Variants in TRIM34 observed in about 807,000 individuals in gnomAD.
TRIM34 encodes the protein tripartite motif containing 34.
In TRIM34, 41 loss-of-function variants were observed where a neutral mutation model predicts 38.1. The observed-to-expected ratio is 1.08, with a 90% CI of 0.84 to 1.40. TRIM34 has a LOEUF of 1.40. Among genes scored for constraint, TRIM34 ranks in the 40% most tolerant of loss-of-function variants. The pLI, the probability that TRIM34 is intolerant of heterozygous loss-of-function variation, is 0.00. For synonymous variants in TRIM34, 200 were observed against 202.5 expected (o/e 0.99, Z 0.10); for missense variants, 556 against 571.4 (o/e 0.97, Z 0.27).
chr11:5,641,161 T>G lies in TRIM34; in HGVS notation c.751-6T>G. 8 of 1,613,690 alleles carry G rather than the reference T, an allele frequency of 5.0e-6. No individual in the cohort carries two copies. The highest frequency in any genetic ancestry group is 6.8e-6 in the Non-Finnish European group (8 of 1,179,782). On this transcript the variant is annotated splice_polypyrimidine_tract_variant and splice_region_variant and intron_variant, in intron 4 of 7. Transcript: ENST00000429814. ...CTTTGACTCATGTTTTCTCTTTTCT[T>G]TCTAGGACATGAGTGGAATCATGAA...
chr11:5,639,793 G>A (rs1849923657), intron 4 of TRIM34, among the ~76,000 whole-genome samples: 1 of 150,048 alleles, frequency 6.7e-6, no homozygotes, highest in Non-Finnish European at 1.5e-5. Flanking sequence ...AAAAGAGAGA[G>A]ATTTACTATT....
chr11:5,623,960 T>C (rs1402370138), upstream of TRIM34, among the ~76,000 whole-genome samples: 2 of 152,162 alleles, frequency 1.3e-5, no homozygotes, highest in Non-Finnish European at 2.9e-5. Context: ...TAGGATTGTT[T>C]TGATGCATAC....
upstream of TRIM34, among the ~76,000 whole-genome samples, chr11:5,623,105 CT>C (rs11301714): frequency 0.3 from 31,783 of 106,766 alleles, 3,166 homozygotes; most frequent in African/African-American, 0.4. Context: ...CTGTCTGGAG[CT>C]TTTTTTTTTT....
At chr11:5,630,055 G>A (rs769077798) in intron 1 of TRIM34, among the ~76,000 whole-genome samples, 1 of 152,124 alleles carries the variant, frequency 6.6e-6, no homozygotes, top group African/African-American at 2.4e-5. Flanking sequence ...ATGTGGATGC[G>A]TGTGAAACTA....
chr11:5,642,730 C>T, intron 6 of TRIM34, 87 bp from the exon 7 acceptor site: 5 of 1,562,388 alleles, frequency 3.2e-6, no homozygotes, highest in East Asian at 2.3e-5. Flanking sequence ...GTATTCCCTT[C>T]CCCTGTCCCT....
chr11:5,634,530 C>CACACATATATATATATATATATATAT (rs1491498839), intron 3 of TRIM34, 101 bp from the exon 4 acceptor site: 46 of 203,866 alleles, frequency 2.3e-4, no homozygotes, highest in African/African-American at 1.5e-3. Flanking sequence ...CACACACACA[C>CACACATATATATATATATATATATAT]ATATATATAT....
intron 5 of TRIM34, among the ~76,000 whole-genome samples, chr11:5,641,956 T>C (rs1850032146): frequency 6.6e-6 from 1 of 152,140 alleles, no homozygotes; most frequent in African/African-American, 2.4e-5. Context: ...GCTGACAGGA[T>C]TTCCCTACAG....
chr11:5,639,743 C>T (rs955144276), intron 4 of TRIM34, among the ~76,000 whole-genome samples: 2 of 112,946 alleles, frequency 1.8e-5, no homozygotes, highest in Non-Finnish European at 3.7e-5. Context: ...GTGGATAGAA[C>T]AGGACTTTTC....
At chr11:5,621,624 A>G (rs1213277615), upstream of TRIM34, among the ~76,000 whole-genome samples, 1 of 152,222 alleles carries the variant, frequency 6.6e-6, no homozygotes, top group Non-Finnish European at 1.5e-5. Context: ...TATGAAAGGA[A>G]AATAAATCTT....
upstream of TRIM34, among the ~76,000 whole-genome samples, chr11:5,622,491 G>A (rs914631491): frequency 1.5e-5 from 2 of 137,756 alleles, no homozygotes; most frequent in Non-Finnish European, 3.1e-5. Flanking sequence ...ACGTGGTGGC[G>A]CATGCCTGTA....
intron 1 of TRIM34, among the ~76,000 whole-genome samples, chr11:5,627,376 G>A (rs151150196): frequency 1.0e-3 from 158 of 151,680 alleles, no homozygotes; most frequent in African/African-American, 2.9e-3. Context: ...GCAAAACTCC[G>A]TCTCAAAAAA....
chr11:5,641,359 T>C, intron 5 of TRIM34, 170 bp downstream of exon 5: 12 of 1,445,558 alleles, frequency 8.3e-6, no homozygotes, highest in Non-Finnish European at 1.1e-5. Context: ...GTTCCGTAAC[T>C]ATTAATGGAC....
At chr11:5,625,135 T>C (rs1455190696) in intron 1 of TRIM34, 75 bp downstream of exon 1, 3 of 152,162 alleles carry the variant, frequency 2.0e-5, no homozygotes, top group East Asian at 3.9e-4. Flanking sequence ...TTAGGGGAAT[T>C]TGATTTATGG....
In TRIM34 at chr11:5,643,804, C is replaced by A. The variant is rs1850129661; in HGVS notation, c.*95C>A. 1 of 1,475,822 alleles carries A rather than the reference C, an allele frequency of 6.8e-7. No homozygotes were observed. The allele number at this position is 1,475,822 out of a possible 1,614,324, so 91.4% of individuals were successfully genotyped here. ...TCACACCATTGCTTCCTTGTGGTTTCCCTTCTTTAGAACTTTTACTCATCC... is the reference window on the plus strand; with the variant it reads ...TCACACCATTGCTTCCTTGTGGTTTACCTTCTTTAGAACTTTTACTCATCC... On this transcript the variant is annotated 3_prime_UTR_variant, in exon 8 of 8. Transcript: ENST00000429814.
chr11:5,643,342 G>C lies in TRIM34; in HGVS notation c.1100G>C (p.Cys367Ser). 6.2e-7 allele frequency: 1 copy of C among 1,613,922 alleles called. No homozygotes were observed. Among genetic ancestry groups the C allele is most frequent in the Non-Finnish European group, 8.5e-7 (1 of 1,179,940 alleles). Residue 367 changes from cysteine to serine, a missense_variant, in exon 8 of 8, where the codon TGT becomes TCT. Physicochemically the swap from Cys to Ser is moderately radical, Grantham distance 112. Coordinates refer to ENST00000429814, the MANE Select transcript of TRIM34 (RefSeq NM_021616.6). The stretch of plus-strand genomic sequence containing the variant: ...ACTGCCTGGATCCTGGGGGTATACT[G>C]TAGAACATATTCCCGCCATATGAAG... ...KKTAWILGVYCRTYSRHMKYV... is the reference protein window; with the variant it reads ...KKTAWILGVYSRTYSRHMKYV...
At chr11:5,634,911 T>C (rs1174978541) in intron 4 of TRIM34, 50 bp downstream of exon 4, 1 of 1,575,236 alleles carries the variant, frequency 6.3e-7, no homozygotes, top group South Asian at 1.1e-5. Context: ...TTCCCTCCTG[T>C]GTCCTTGCGT....
intron 1 of TRIM34, among the ~76,000 whole-genome samples, 168 bp from the exon 2 acceptor site, chr11:5,632,087 C>T (rs919090724): frequency 6.6e-6 from 1 of 152,142 alleles, no homozygotes; most frequent in Non-Finnish European, 1.5e-5. Flanking sequence ...AGTGCAAAAG[C>T]CTTGAGGCAT....
At chr11:5,622,373 A>C (rs557725475), upstream of TRIM34, among the ~76,000 whole-genome samples, 25 of 151,426 alleles carry the variant, frequency 1.7e-4, 1 homozygote, top group African/African-American at 4.8e-4. Context: ...TGAACCCGGC[A>C]GGCGGAGCTT....
chr11:5,642,864 A>T, intron 7 of TRIM34, 21 bp downstream of exon 7: 1 of 1,613,794 alleles, frequency 6.2e-7, no homozygotes, highest in Non-Finnish European at 8.5e-7. Context: ...GTTAGTCTTT[A>T]AATAACTGTT....
Sources: gnomAD v4.1 joint callset for allele counts (sites outside exome capture counted in the v4.1 genomes callset) on GRCh38, gnomAD v4.1.1 for gene constraint, MANE v1.5 for transcripts, NCBI Gene and HGNC (gene_info 2026-07-23, HGNC 2026-07-21) for gene names.